PCDHA9: variants seen among roughly 807,000 people sequenced by gnomAD.
PCDHA9 encodes the protein protocadherin alpha 9, also known as protocadherin alpha-9.
Under a neutral mutation model 62.0 loss-of-function variants are expected in PCDHA9, and 62 were observed. That is an observed-to-expected ratio of 1.00 (90% confidence interval 0.81 to 1.23). PCDHA9 has a LOEUF of 1.23. PCDHA9 is among the 50% of genes most tolerant of loss of function. PCDHA9 has a pLI of 0.00. For missense variants in PCDHA9, 1,205 were observed against 1,249.8 expected, an observed-to-expected ratio of 0.96 and a Z score of 0.54; for synonymous variants, 557 against 567.6, an observed-to-expected ratio of 0.98 and a Z score of 0.27.
chr5:140,891,468 T>C (rs1459925727), intron 1 of PCDHA9, among the ~76,000 whole-genome samples: 1 of 151,582 alleles, frequency 6.6e-6, no homozygotes, highest in Non-Finnish European at 1.5e-5. Context: ...TGTGAATTAA[T>C]GCCTTTACAT....
chr5:140,901,493 G>A (rs1407022584), intron 1 of PCDHA9, among the ~76,000 whole-genome samples: 7 of 152,016 alleles, frequency 4.6e-5, no homozygotes, highest in Admixed American at 3.9e-4. Flanking sequence ...CACCTTCATC[G>A]AAAATGAGTT....
intron 1 of PCDHA9, among the ~76,000 whole-genome samples, chr5:140,960,125 G>A (rs2153724181): frequency 6.6e-6 from 1 of 152,336 alleles, no homozygotes; most frequent in East Asian, 1.9e-4. Context: ...TATTCCTTAT[G>A]AAATACTTAG....
At chr5:140,973,273 C>A (rs1180418925) in intron 1 of PCDHA9, among the ~76,000 whole-genome samples, 1 of 152,150 alleles carries the variant, frequency 6.6e-6, no homozygotes, top group Non-Finnish European at 1.5e-5. Flanking sequence ...ACTTTTATTT[C>A]CCCCAGCACT....
chr5:140,876,334 A>T (rs782377581), intron 1 of PCDHA9: 3 of 1,614,030 alleles, frequency 1.9e-6, no homozygotes, highest in Admixed American at 1.7e-5. Context: ...TTTGCCAGTG[A>T]GTGAGAAATG....
chr5:140,992,414 G>T (rs868994021), intron 3 of PCDHA9, among the ~76,000 whole-genome samples: 1 of 152,128 alleles, frequency 6.6e-6, no homozygotes, highest in African/African-American at 2.4e-5. Flanking sequence ...TCTGCCCCAG[G>T]TCTAAGAATA....
chr5:140,935,172 A>G (rs1278781509), intron 1 of PCDHA9, among the ~76,000 whole-genome samples: 34 of 152,164 alleles, frequency 2.2e-4, no homozygotes, highest in Admixed American at 2.1e-3. Context: ...AGGTGTGCTT[A>G]TTGCTGCTGG....
chr5:141,008,985 A>C (rs566679512), intron 3 of PCDHA9, among the ~76,000 whole-genome samples: 1 of 152,240 alleles, frequency 6.6e-6, no homozygotes, highest in Non-Finnish European at 1.5e-5. Context: ...AGTTTAATCT[A>C]GACACTAAAA....
At chr5:140,940,258 C>A (rs2092581637) in intron 1 of PCDHA9, among the ~76,000 whole-genome samples, 1 of 152,130 alleles carries the variant, frequency 6.6e-6, no homozygotes, top group South Asian at 2.1e-4. Flanking sequence ...TCAATATCTT[C>A]TGGGTTCCAC....
intron 1 of PCDHA9, chr5:140,876,605 A>T (rs1582292779): frequency 6.2e-7 from 1 of 1,614,060 alleles, no homozygotes; most frequent in South Asian, 1.1e-5. Context: ...TCGGATCGTG[A>T]CTCTGGAGCC....
At chr5:140,882,225 C>T (rs782533520) in intron 1 of PCDHA9, 9 of 1,559,344 alleles carry the variant, frequency 5.8e-6, no homozygotes, top group Middle Eastern at 1.7e-4. Flanking sequence ...TGAGGTAAGG[C>T]GTTGTATATA....
chr5:140,848,750 T>C lies in PCDHA9; in HGVS notation c.255T>C (p.Phe85=). ...TAAATCTGCAGAATGGCATTTTGTT[T>C]GTGAATTCTCGGATCGACCGCGAGG... ...LEVNLQNGIL[F]VNSRIDREEL... The change falls in exon 1 of 4, where the codon TTT becomes TTC. Residue 85 remains phenylalanine (F), a synonymous_variant. Coordinates refer to ENST00000532602, the MANE Select transcript of PCDHA9 (RefSeq NM_031857.2). 1 of 1,593,288 alleles carries C rather than the reference T, an allele frequency of 6.3e-7. No individual in the cohort carries two copies.
At chr5:140,893,182 AT>A (rs782024176) in intron 1 of PCDHA9, among the ~76,000 whole-genome samples, 5 of 152,238 alleles carry the variant, frequency 3.3e-5, no homozygotes, top group Non-Finnish European at 5.9e-5. Context: ...CATAGTAGCT[AT>A]TGTGAATAGT....
intron 1 of PCDHA9, chr5:140,863,127 C>A: frequency 1.7e-6 from 1 of 597,490 alleles, no homozygotes; most frequent in Non-Finnish European, 3.3e-6. Context: ...CTACGCGCCA[C>A]CGCCTGCTGG....
chr5:140,855,793 C>T (rs1383581085), intron 1 of PCDHA9: 1 of 456,918 alleles, frequency 2.2e-6, no homozygotes, highest in East Asian at 3.3e-5. Flanking sequence ...AAAGAATTAA[C>T]ATATGAATGA....
At chr5:140,883,528 C>T in intron 1 of PCDHA9, 1 of 1,614,248 alleles carries the variant, frequency 6.2e-7, no homozygotes, top group South Asian at 1.1e-5. Flanking sequence ...GCGTATCAGC[C>T]TATGAACTGG....
At chr5:140,874,188 A>G (rs1478438376) in intron 1 of PCDHA9, among the ~76,000 whole-genome samples, 2 of 152,208 alleles carry the variant, frequency 1.3e-5, no homozygotes, top group Non-Finnish European at 2.9e-5. Flanking sequence ...TAAAGGTGTC[A>G]TATTTCAGTT....
chr5:140,938,793 A>G lies in PCDHA9; in HGVS notation c.2395-40156A>G, dbSNP rs543840345. 2.6e-5 allele frequency among the ~76,000 whole-genome samples: 4 copies of G among 152,268 alleles called. No individual in the cohort carries two copies. The East Asian group carries it at 7.7e-4, about 29-fold the overall frequency. On this transcript the variant is annotated intron_variant, in intron 1 of 3. Coordinates refer to ENST00000532602, the MANE Select transcript of PCDHA9 (RefSeq NM_031857.2). ...AGACTTAGTACCTGAATGATGAAAT[A>G]ATCGGTACCACAAACCCCTGTGACA...
At chr5:140,899,423 G>A (rs2067323431) in intron 1 of PCDHA9, among the ~76,000 whole-genome samples, 1 of 152,134 alleles carries the variant, frequency 6.6e-6, no homozygotes. Context: ...TTTGTCAAAG[G>A]TCTTTTCTGC....
At chr5:140,883,526 G>A (rs1554178547) in intron 1 of PCDHA9, 2 of 1,614,226 alleles carry the variant, frequency 1.2e-6, no homozygotes, top group East Asian at 2.2e-5. Flanking sequence ...GAGCGTATCA[G>A]CCTATGAACT....
Sources: gnomAD v4.1 joint callset for allele counts (sites outside exome capture counted in the v4.1 genomes callset) on GRCh38, gnomAD v4.1.1 for gene constraint, MANE v1.5 for transcripts, NCBI Gene and HGNC (gene_info 2026-07-23, HGNC 2026-07-21) for gene names.